AEBP2: variants seen among roughly 807,000 people sequenced by gnomAD.
The protein encoded by AEBP2 is AE binding protein 2.
In AEBP2, 10 loss-of-function variants were observed where a neutral mutation model predicts 50.8. The observed-to-expected ratio is 0.20, with a 90% CI of 0.12 to 0.33. The LOEUF is 0.33. Among genes scored for constraint, AEBP2 ranks in the 10% least tolerant of loss-of-function variants. AEBP2 has a pLI of 1.00. For synonymous variants in AEBP2, 296 were observed against 261.3 expected, an observed-to-expected ratio of 1.13 and a Z score of -1.28; for missense variants, 570 against 688.0, an observed-to-expected ratio of 0.83 and a Z score of 1.92.
chr12:19,428,510 C>T (rs2095749756), intron 1 of AEBP2, among the ~76,000 whole-genome samples: 1 of 152,184 alleles, frequency 6.6e-6, no homozygotes, highest in Non-Finnish European at 1.5e-5. Flanking sequence ...TTAGCAGGTT[C>T]TGCAAAAACA....
At chr12:19,517,602 G>A (rs1949339095) in intron 7 of AEBP2, among the ~76,000 whole-genome samples, 1 of 152,208 alleles carries the variant, frequency 6.6e-6, no homozygotes. Context: ...ATCTGCAGGG[G>A]ATTCTGGGGA....
intron 3 of AEBP2, among the ~76,000 whole-genome samples, chr12:19,492,072 C>G (rs1177505064): frequency 6.6e-6 from 1 of 152,028 alleles, no homozygotes; most frequent in African/African-American, 2.4e-5. Flanking sequence ...TCTAGATGAA[C>G]TTTTACAAGA....
chr12:19,478,959 C>T (rs74606243), intron 3 of AEBP2, among the ~76,000 whole-genome samples: 7,351 of 152,132 alleles, frequency 0.048, 389 homozygotes, highest in Admixed American at 0.15. Flanking sequence ...TGGTAGGTCT[C>T]GCACTTTGGG....
At chr12:19,479,717 GTTTTTTTTTTTTTTTTTTT>G (rs369410408) in intron 3 of AEBP2, among the ~76,000 whole-genome samples, 2 of 22,348 alleles carry the variant, frequency 8.9e-5, no homozygotes, top group East Asian at 9.0e-4. Flanking sequence ...CTCTTTGTGG[GTTTTTTTTTTTTTTTTTTT>G]TTTTTTTTTT....
chr12:19,463,667 ATT>A (rs34007914), intron 2 of AEBP2, among the ~76,000 whole-genome samples: 6,870 of 84,274 alleles, frequency 0.082, 114 homozygotes, highest in African/African-American at 0.18. Context: ...TCATACTTGA[ATT>A]TTTTTTTTTT....
Position 19,457,584 on chromosome 12 carries a change from G to A in AEBP2, c.672-4926G>A. On this transcript the variant is annotated intron_variant, in intron 1 of 7. Coordinates refer to ENST00000266508, the MANE Select transcript of AEBP2 (RefSeq NM_153207.5). ...TTTGTAGTTCAGATGGCCAGTAGTG[G>A]TGGACTTGTACGAATCTACGTGTCC... 2.7e-6 allele frequency: 4 copies of A among 1,481,988 alleles called. No homozygotes were observed. The South Asian group carries it at 5.2e-5, about 19-fold the overall frequency. The allele number at this position is 1,481,988 out of a possible 1,614,324, so 91.8% of individuals were successfully genotyped here.
intron 6 of AEBP2, among the ~76,000 whole-genome samples, chr12:19,513,823 T>G (rs1954678095): frequency 6.6e-6 from 1 of 151,648 alleles, no homozygotes; most frequent in Non-Finnish European, 1.5e-5. Flanking sequence ...AATCCAAATA[T>G]CAAAATACAT....
intron 3 of AEBP2, among the ~76,000 whole-genome samples, chr12:19,486,891 C>T (rs1948818011): frequency 6.6e-6 from 1 of 151,986 alleles, no homozygotes; most frequent in Non-Finnish European, 1.5e-5. Context: ...CTCCTGGCCT[C>T]CAACGATCTA....
intron 1 of AEBP2, among the ~76,000 whole-genome samples, chr12:19,411,350 T>C (rs1860876057): frequency 6.6e-6 from 1 of 152,206 alleles, no homozygotes; most frequent in South Asian, 2.1e-4. Flanking sequence ...TAGCTCACTG[T>C]TTCAGCCTGG....
At chr12:19,438,762 A>C (rs539801759), upstream of AEBP2, among the ~76,000 whole-genome samples, 3 of 152,242 alleles carry the variant, frequency 2.0e-5, no homozygotes, top group African/African-American at 7.2e-5. Context: ...TGCAACGTCA[A>C]TATGAGTTCC....
At chr12:19,436,270 T>TA (rs1165690610), upstream of AEBP2, among the ~76,000 whole-genome samples, 2 of 152,182 alleles carry the variant, frequency 1.3e-5, no homozygotes, top group Admixed American at 6.5e-5. Flanking sequence ...CCCTATCGTC[T>TA]AAAAAATGGA....
At position 19,462,734 on chromosome 12, in the gene AEBP2, C is replaced by CT. The variant is rs1178771382; in HGVS notation, c.879+24dup. 1.3e-6 allele frequency: 2 copies of CT among 1,563,478 alleles called. No homozygotes were observed. Among genetic ancestry groups the CT allele is most frequent in the South Asian group, 2.4e-5 (2 of 84,186 alleles). Reference sequence around the variant, plus strand: ...CGAGGAGGGGTTGGTTTTGTCATTTCTTTTTTTCGCTCCCTGTTTTCGTTA... The same window carrying CT: ...CGAGGAGGGGTTGGTTTTGTCATTTCTTTTTTTTCGCTCCCTGTTTTCGTTA... On this transcript the variant is annotated intron_variant, in intron 2 of 7. Coordinates refer to ENST00000266508, the MANE Select transcript of AEBP2 (RefSeq NM_153207.5).
chr12:19,509,014 C>T (rs779867018), intron 5 of AEBP2: 17 of 535,708 alleles, frequency 3.2e-5, no homozygotes, highest in Non-Finnish European at 4.7e-5. Context: ...TTACTAAGAA[C>T]GTTGGGAAAG....
Position 19,518,150 on chromosome 12 carries a change from G to A in AEBP2, c.*33G>A, listed in dbSNP as rs1054971858. 1.9e-6 allele frequency: 3 copies of A among 1,578,248 alleles called. No homozygotes were observed. The highest frequency in any genetic ancestry group is 1.8e-5 in the Admixed American group (1 of 56,206). On this transcript the variant is annotated 3_prime_UTR_variant, in exon 8 of 8. Coordinates refer to ENST00000266508, the MANE Select transcript of AEBP2 (RefSeq NM_153207.5). ...ATAAATACATAAAAAGCAAACAAGC[G>A]GGGACACCTGCAGTCTTAGTCACTG... is the stretch of plus-strand genomic sequence containing the variant.
Position 19,419,471 on chromosome 12 carries a change from C to T in AEBP2, c.-17+15255C>T, listed in dbSNP as rs77954557. ...AGGCGTAGTGGCACGTGCCTATAGTCCTAGCTACTCAGGAGGCTGAGGCAG... is the reference window on the plus strand; with the variant it reads ...AGGCGTAGTGGCACGTGCCTATAGTTCTAGCTACTCAGGAGGCTGAGGCAG... On this transcript the variant is annotated intron_variant, in intron 1 of 3. Coordinates refer to the AEBP2 transcript ENST00000538425. Among the ~76,000 whole-genome samples the T allele has an allele frequency of 4.2e-4, 64 of 152,122 alleles. 1 individual carries two copies. In the East Asian group the frequency reaches 0.012, roughly 29 times the overall value.
intron 1 of AEBP2, among the ~76,000 whole-genome samples, chr12:19,405,418 G>A (rs1464873256): frequency 1.3e-5 from 2 of 151,252 alleles, no homozygotes; most frequent in African/African-American, 2.4e-5. Flanking sequence ...CTCTGACTCC[G>A]ATTTCAAGCA....
intron 1 of AEBP2, among the ~76,000 whole-genome samples, chr12:19,450,756 C>G (rs752651205): frequency 6.7e-6 from 1 of 148,938 alleles, no homozygotes; most frequent in African/African-American, 2.5e-5. Context: ...ACGGGAAGAT[C>G]GTTTGAATCT....
chr12:19,436,753 G>T (rs1365711683), upstream of AEBP2, among the ~76,000 whole-genome samples: 1 of 151,682 alleles, frequency 6.6e-6, no homozygotes, highest in Non-Finnish European at 1.5e-5. Flanking sequence ...ACCACACCTG[G>T]CTAGTTAACA....
intron 3 of AEBP2, among the ~76,000 whole-genome samples, chr12:19,481,308 G>T (rs569051158): frequency 4.4e-4 from 67 of 151,424 alleles, no homozygotes; most frequent in Non-Finnish European, 8.5e-4. Context: ...TCATCATGTT[G>T]GCCAGGCTCG....
Sources: gnomAD v4.1 joint callset for allele counts (sites outside exome capture counted in the v4.1 genomes callset) on GRCh38, gnomAD v4.1.1 for gene constraint, MANE v1.5 for transcripts, NCBI Gene and HGNC (gene_info 2026-07-23, HGNC 2026-07-21) for gene names.